Variants in LMTK2 observed in about 807,000 individuals in gnomAD.
LMTK2 encodes the protein serine/threonine-protein kinase LMTK2.
Under a neutral mutation model 127.5 loss-of-function variants are expected in LMTK2, and 37 were observed. The observed-to-expected ratio is 0.29, with a 90% CI of 0.22 to 0.38. The LOEUF (loss-of-function observed/expected upper bound fraction) is 0.38. LMTK2 is among the 10% of genes least tolerant of loss of function. The probability of loss-of-function intolerance (pLI) is 1.00; values close to 1 mark genes in which losing one functional copy is unlikely to be tolerated. For missense variants in LMTK2, 1,694 were observed against 1,920.3 expected (o/e 0.88, Z 2.20); for synonymous variants, 819 against 810.1 (o/e 1.01, Z -0.19).
intron 1 of LMTK2, among the ~76,000 whole-genome samples, chr7:98,108,759 G>A (rs984915587): frequency 6.6e-6 from 1 of 151,950 alleles, no homozygotes; most frequent in African/African-American, 2.4e-5. Flanking sequence ...TTTATATGAT[G>A]GGGATTCAAG....
intron 11 of LMTK2, among the ~76,000 whole-genome samples, chr7:98,196,957 C>G (rs950224127): frequency 6.6e-6 from 1 of 152,224 alleles, no homozygotes; most frequent in Non-Finnish European, 1.5e-5. Flanking sequence ...AGCCACCAAG[C>G]GTTCAGGCCG....
rs56094726 is a variant in LMTK2 at position 98,181,181 on chromosome 7, A to T, written c.792-3870A>T. Among the ~76,000 whole-genome samples, 146 of 152,338 alleles carry T rather than the reference A, an allele frequency of 9.6e-4. 1 individual carries two copies. Among genetic ancestry groups the T allele is most frequent in the African/African-American group, 3.3e-3 (139 of 41,586 alleles). Reference sequence around the variant, plus strand: ...CTCTTCAACTTCTGTTTGCAAACCAAGACTTGTGTTTGGAGAACTCTATTG... The same window carrying T: ...CTCTTCAACTTCTGTTTGCAAACCATGACTTGTGTTTGGAGAACTCTATTG... On this transcript the variant is annotated intron_variant, in intron 7 of 13. Coordinates refer to ENST00000297293, the MANE Select transcript of LMTK2 (RefSeq NM_014916.4).
In LMTK2 at chr7:98,193,717, C is replaced by T. The variant is rs769048982; in HGVS notation, c.3252C>T (p.Gly1084=). 1.9e-6 allele frequency: 3 copies of T among 1,613,862 alleles called. No homozygotes were observed. The highest frequency in any genetic ancestry group is 2.5e-6 in the Non-Finnish European group (3 of 1,180,008). Residue 1084 remains glycine (G), a synonymous_variant, in exon 11 of 14, where the codon GGC becomes GGT. Transcript: ENST00000297293. This position sits in a 1 kb window ranked among gnomAD's most constrained non-coding sequence, Gnocchi z 4.1. Reference sequence around the variant, plus strand: ...CAGATGCCGGCGATGGTCACAGAGGCACAGAAGTGACCCCTGAGACGTTCA... The same window carrying T: ...CAGATGCCGGCGATGGTCACAGAGGTACAGAAGTGACCCCTGAGACGTTCA... ...VISDAGDGHR[G]TEVTPETFTA...
intron 1 of LMTK2, among the ~76,000 whole-genome samples, chr7:98,110,909 T>C (rs1204436472): frequency 6.6e-6 from 1 of 152,232 alleles, no homozygotes; most frequent in Non-Finnish European, 1.5e-5. Flanking sequence ...ACAAACAGAC[T>C]TGTATTTTGA....
chr7:98,122,706 G>A (rs1796380646), intron 1 of LMTK2, among the ~76,000 whole-genome samples: 1 of 2,970 alleles, frequency 3.4e-4, no homozygotes, highest in Admixed American at 4.0e-3. Context: ...GTGTGTGTGT[G>A]TGTGTGTGTG....
At chr7:98,119,324 G>A (rs781645406) in intron 1 of LMTK2, among the ~76,000 whole-genome samples, 9 of 152,042 alleles carry the variant, frequency 5.9e-5, no homozygotes, top group Non-Finnish European at 1.3e-4. Flanking sequence ...TCAAGGAAAG[G>A]AGGAAAACAT....
At chr7:98,122,457 G>A (rs1049826372) in intron 1 of LMTK2, among the ~76,000 whole-genome samples, 5 of 152,096 alleles carry the variant, frequency 3.3e-5, no homozygotes, top group Non-Finnish European at 4.4e-5. Context: ...CAAGAGTCAC[G>A]GACAGGTATT....
chr7:98,114,003 G>A (rs1796241849), intron 1 of LMTK2, among the ~76,000 whole-genome samples: 1 of 151,490 alleles, frequency 6.6e-6, no homozygotes, highest in Non-Finnish European at 1.5e-5. Flanking sequence ...TTGTGATTCA[G>A]GTGGGAAAAG....
intron 12 of LMTK2, 92 bp downstream of exon 12, chr7:98,203,798 A>T (rs554809949): frequency 1.9e-6 from 3 of 1,576,026 alleles, no homozygotes; most frequent in East Asian, 2.2e-5. Flanking sequence ...TGCTTTAATG[A>T]CGCCCCCTGA....
intron 2 of LMTK2, among the ~76,000 whole-genome samples, chr7:98,138,067 G>A (rs940271487): frequency 1.1e-4 from 16 of 152,158 alleles, no homozygotes; most frequent in Admixed American, 9.2e-4. Flanking sequence ...AGCAGCAGAC[G>A]GTGGAATGGA....
chr7:98,160,272 T>C (rs1441321110), intron 6 of LMTK2, among the ~76,000 whole-genome samples: 1 of 152,234 alleles, frequency 6.6e-6, no homozygotes, highest in Non-Finnish European at 1.5e-5. Context: ...TCAAATAATA[T>C]TTTCATCTGT....
chr7:98,150,514 AAG>A (rs1796838392), intron 3 of LMTK2, among the ~76,000 whole-genome samples: 1 of 152,186 alleles, frequency 6.6e-6, no homozygotes, highest in Non-Finnish European at 1.5e-5. Flanking sequence ...ATATTTATTC[AAG>A]AGAGATGAAA....
chr7:98,138,028 A>AG (rs1344862688), intron 2 of LMTK2, among the ~76,000 whole-genome samples: 1 of 152,214 alleles, frequency 6.6e-6, no homozygotes, highest in African/African-American at 2.4e-5. Flanking sequence ...AGTCCTGGCC[A>AG]GGGAGGGTAA....
chr7:98,189,641 A>T (rs1797492434), intron 9 of LMTK2, among the ~76,000 whole-genome samples: 1 of 152,106 alleles, frequency 6.6e-6, no homozygotes, highest in Admixed American at 6.6e-5. Flanking sequence ...TGCGGGATGG[A>T]GGCAGTGCGT....
At chr7:98,190,007 C>CA (rs5886053) in intron 9 of LMTK2, among the ~76,000 whole-genome samples, 5,284 of 143,176 alleles carry the variant, frequency 0.037, 96 homozygotes, top group Middle Eastern at 0.047. Context: ...ATTTTTCTAC[C>CA]AAAAAAAAAA....
chr7:98,106,928 G>A lies in LMTK2; in HGVS notation c.-250G>A. Reference sequence around the variant, plus strand: ...CCCAGGCCCGCCGCTCCGCAGGGCTGCTGGCGTTGCTGCTGTTGAGAGGCG... The same window carrying A: ...CCCAGGCCCGCCGCTCCGCAGGGCTACTGGCGTTGCTGCTGTTGAGAGGCG... On this transcript the variant is annotated 5_prime_UTR_variant, in exon 1 of 14. Transcript: ENST00000297293. 1 of 461,778 alleles carries A rather than the reference G, an allele frequency of 2.2e-6. No individual in the cohort carries two copies. The highest frequency in any genetic ancestry group is 3.7e-5 in the South Asian group (1 of 27,076). 28.6% of individuals were successfully genotyped at this position (461,778 alleles called of 1,614,324 possible).
chr7:98,142,925 A>G (rs1399975394), intron 3 of LMTK2, among the ~76,000 whole-genome samples: 2 of 152,238 alleles, frequency 1.3e-5, no homozygotes, highest in African/African-American at 2.4e-5. Context: ...TTTTATAACC[A>G]TAGAGGAAAG....
At chr7:98,152,990 G>C (rs1211827711) in intron 4 of LMTK2, among the ~76,000 whole-genome samples, 1 of 152,188 alleles carries the variant, frequency 6.6e-6, no homozygotes, top group African/African-American at 2.4e-5. Context: ...CAGATTGACT[G>C]CTGAGGGCCT....
rs753844668 is a variant in LMTK2 at position 98,192,231 on chromosome 7, T to G, written c.1766T>G (p.Leu589Arg). 6.6e-6 allele frequency: 10 copies of G among 1,524,166 alleles called. No homozygotes were observed. The highest frequency in any genetic ancestry group is 7.9e-6 in the Non-Finnish European group (9 of 1,139,868). 94.4% of individuals were successfully genotyped at this position (1,524,166 alleles called of 1,614,324 possible). ...PERTGPELSQ[L>R]TALRSVELEE... Reference sequence around the variant, plus strand: ...AGGACTGGCCCTGAACTGTCCCAGCTCACGGCGCTCAGGAGCGTTGAACTT... The same window carrying G: ...AGGACTGGCCCTGAACTGTCCCAGCGCACGGCGCTCAGGAGCGTTGAACTT... Residue 589 changes from leucine (L) to arginine (R), a missense_variant, in exon 11 of 14, where the codon CTC becomes CGC. Coordinates refer to ENST00000297293, the MANE Select transcript of LMTK2 (RefSeq NM_014916.4).
Sources: allele counts gnomAD v4.1 joint callset (sites outside exome capture counted in the v4.1 genomes callset), GRCh38; gene constraint gnomAD v4.1.1; non-coding constraint Gnocchi (gnomAD v3.1); transcripts MANE v1.5; gene names NCBI Gene and HGNC (gene_info 2026-07-23, HGNC 2026-07-21).